MAP3K7CL: variants seen among roughly 807,000 people sequenced by gnomAD.
MAP3K7CL encodes the protein MAP3K7 C-terminal like.
In MAP3K7CL, 16 loss-of-function variants were observed where a neutral mutation model predicts 18.6. The ratio of observed to expected loss-of-function variants is 0.86; its 90% CI spans 0.58 to 1.31. The LOEUF (loss-of-function observed/expected upper bound fraction) is 1.31. Among genes scored for constraint, MAP3K7CL ranks in the 50% most tolerant of loss-of-function variants. The pLI, the probability that MAP3K7CL is intolerant of heterozygous loss-of-function variation, is 0.00. For synonymous variants in MAP3K7CL, 65 were observed against 66.8 expected, an observed-to-expected ratio of 0.97 and a Z score of 0.13; for missense variants, 163 against 174.4, an observed-to-expected ratio of 0.93 and a Z score of 0.37.
chr21:29,141,672 A>G (rs2087012223), intron 2 of MAP3K7CL, among the ~76,000 whole-genome samples: 3 of 152,038 alleles, frequency 2.0e-5, no homozygotes, highest in Non-Finnish European at 4.4e-5. Flanking sequence ...AGTATTGAAA[A>G]CCTGCTTTGT....
intron 1 of MAP3K7CL, among the ~76,000 whole-genome samples, chr21:29,088,456 C>T (rs1174423973): frequency 6.6e-6 from 1 of 152,166 alleles, no homozygotes; most frequent in Non-Finnish European, 1.5e-5. Flanking sequence ...CTGAGTTATT[C>T]CAAATTCCCT....
chr21:29,119,618 G>C (rs4817271), intron 4 of MAP3K7CL, among the ~76,000 whole-genome samples: 1 of 151,330 alleles, frequency 6.6e-6, no homozygotes, highest in South Asian at 2.1e-4. Flanking sequence ...TTTGAAAAAC[G>C]TGCATGGGAT....
chr21:29,123,740 T>C (rs1477394250), intron 4 of MAP3K7CL, among the ~76,000 whole-genome samples: 1 of 152,202 alleles, frequency 6.6e-6, no homozygotes, highest in Non-Finnish European at 1.5e-5. Context: ...GGGGAATTAC[T>C]GTGGTGGTGG....
chr21:29,154,861 T>C (rs11910539), intron 3 of MAP3K7CL, among the ~76,000 whole-genome samples: 3,491 of 152,334 alleles, frequency 0.023, 128 homozygotes, highest in African/African-American at 0.079. Flanking sequence ...ATAGATACTT[T>C]GGAGCTTTTC....
chr21:29,091,659 T>G, intron 2 of MAP3K7CL: 2 of 701,766 alleles, frequency 2.8e-6, no homozygotes, highest in Non-Finnish European at 5.2e-6. Context: ...CTTTCTTTTT[T>G]TTTCATAGAG....
intron 3 of MAP3K7CL, among the ~76,000 whole-genome samples, chr21:29,158,474 C>A (rs182133242): frequency 1.3e-5 from 2 of 152,072 alleles, no homozygotes; most frequent in South Asian, 4.2e-4. Flanking sequence ...AGATGTTCCA[C>A]GTGAAGGTAA....
At chr21:29,121,927 A>G (rs958307016) in intron 4 of MAP3K7CL, 1 of 152,006 alleles carries the variant, frequency 6.6e-6, no homozygotes, top group Non-Finnish European at 1.5e-5. Context: ...TGTCACAGGC[A>G]CTAGTCAAAT....
Position 29,174,721 on chromosome 21 carries a change from C to T in MAP3K7CL, c.258C>T (p.Leu86=), listed in dbSNP as rs201102918. Residue 86 remains leucine (L), a synonymous_variant, in exon 5 of 5, where the codon CTC becomes CTT. Coordinates refer to ENST00000399928, the MANE Select transcript of MAP3K7CL (RefSeq NM_001286620.2). Reference sequence around the variant, plus strand: ...TACCCCGAATCTTCAGGAAGGAGCTCATTGCCAAGTTAGATCAGGCAGAAA... The same window carrying T: ...TACCCCGAATCTTCAGGAAGGAGCTTATTGCCAAGTTAGATCAGGCAGAAA... ...ITLLEQRKKE[L]IAKLDQAEKE... is the part of the protein sequence containing the mutation. 67 of 1,614,050 alleles carry T rather than the reference C, an allele frequency of 4.2e-5. No individual in the cohort carries two copies. In the East Asian group the frequency reaches 1.4e-3, roughly 33 times the overall value.
Position 29,148,155 on chromosome 21 carries a change from T to A in MAP3K7CL, c.71-1034T>A, listed in dbSNP as rs117224719. Among the ~76,000 whole-genome samples, 745 of 152,124 alleles carry A rather than the reference T, an allele frequency of 4.9e-3. 11 individuals are homozygous for A. In the East Asian group the frequency reaches 0.067, roughly 14 times the overall value. On this transcript the variant is annotated intron_variant, in intron 2 of 4. Coordinates refer to ENST00000399928, the MANE Select transcript of MAP3K7CL (RefSeq NM_001286620.2). Reference sequence around the variant, plus strand: ...TTTATATGTATGTACTGTATATGTATCTGTACTGTACCTGTACTGTATGTA... The same window carrying A: ...TTTATATGTATGTACTGTATATGTAACTGTACTGTACCTGTACTGTATGTA...
upstream of MAP3K7CL, among the ~76,000 whole-genome samples, chr21:29,129,054 C>T (rs1165941926): frequency 6.6e-6 from 1 of 152,086 alleles, no homozygotes; most frequent in African/African-American, 2.4e-5. Context: ...ATATTTAATA[C>T]CTTTTGAACA....
At chr21:29,118,661 G>T (rs2086544045) in intron 4 of MAP3K7CL, among the ~76,000 whole-genome samples, 1 of 152,214 alleles carries the variant, frequency 6.6e-6, no homozygotes, top group Non-Finnish European at 1.5e-5. Flanking sequence ...TGGCAATGAG[G>T]CCATAGTATC....
intron 3 of MAP3K7CL, among the ~76,000 whole-genome samples, chr21:29,154,583 G>GT (rs2087355278): frequency 6.6e-6 from 1 of 152,066 alleles, no homozygotes; most frequent in Non-Finnish European, 1.5e-5. Flanking sequence ...ATAATATCCT[G>GT]TTATCCAAGC....
At chr21:29,106,143 G>C (rs1056532015) in intron 4 of MAP3K7CL, among the ~76,000 whole-genome samples, 1 of 152,146 alleles carries the variant, frequency 6.6e-6, no homozygotes, top group Admixed American at 6.5e-5. Flanking sequence ...GTGTGGTCCA[G>C]GGCATGTCAA....
chr21:29,085,801 T>C, upstream of MAP3K7CL: 3 of 1,550,364 alleles, frequency 1.9e-6, no homozygotes, highest in South Asian at 3.3e-5. Context: ...CATAACTCTC[T>C]ATATCCCCCA....
chr21:29,107,432 A>G lies in MAP3K7CL; in HGVS notation c.370+14851A>G, dbSNP rs549857864. On this transcript the variant is annotated intron_variant, in intron 4 of 6. Coordinates refer to the MAP3K7CL transcript ENST00000286791. ...ATAGAGACTGCCGGCAGCCCAAACA[A>G]GAGTGATTTCCCTTTTGTGATCCTA... 1.2e-4 allele frequency among the ~76,000 whole-genome samples: 18 copies of G among 152,326 alleles called. No homozygotes were observed. In the South Asian group the frequency reaches 3.3e-3, roughly 28 times the overall value.
intron 4 of MAP3K7CL, among the ~76,000 whole-genome samples, chr21:29,101,093 G>A (rs573869805): frequency 3.3e-5 from 5 of 151,608 alleles, no homozygotes; most frequent in South Asian, 2.1e-4. Context: ...GAGCTACCGC[G>A]CGTGGCCGCA....
chr21:29,113,308 C>G (rs1274213986), intron 4 of MAP3K7CL, among the ~76,000 whole-genome samples: 1 of 152,176 alleles, frequency 6.6e-6, no homozygotes, highest in East Asian at 1.9e-4. Context: ...TTTTGGACCT[C>G]AACGTGGCCT....
intron 2 of MAP3K7CL, 124 bp from the exon 3 acceptor site, chr21:29,149,065 G>A: frequency 1.2e-6 from 1 of 818,612 alleles, no homozygotes. Flanking sequence ...CATTCTGTCT[G>A]TCCCCAACTG....
chr21:29,087,815 G>C (rs565355759), intron 1 of MAP3K7CL, among the ~76,000 whole-genome samples: 1 of 151,738 alleles, frequency 6.6e-6, no homozygotes, highest in African/African-American at 2.4e-5. Flanking sequence ...GGATGGTCTC[G>C]ATCTCCTGAC....
Sources: gnomAD v4.1 joint callset for allele counts (sites outside exome capture counted in the v4.1 genomes callset) on GRCh38, gnomAD v4.1.1 for gene constraint, MANE v1.5 for transcripts, NCBI Gene and HGNC (gene_info 2026-07-23, HGNC 2026-07-21) for gene names.